The following FGD3 variants were observed in gnomAD, a reference collection of about 807,000 sequenced individuals.
FGD3 encodes FYVE, RhoGEF and PH domain-containing protein 3.
In FGD3, 45 loss-of-function variants were observed where a neutral mutation model predicts 71.8. That is an observed-to-expected ratio of 0.63 (90% CI 0.49 to 0.80). The LOEUF (loss-of-function observed/expected upper bound fraction) is 0.80. FGD3 is among the 30% of genes least tolerant of loss of function. The pLI is 0.00. For synonymous variants in FGD3, 378 were observed against 392.8 expected (o/e 0.96, Z 0.44); for missense variants, 844 against 951.5 (o/e 0.89, Z 1.49).
At chr9:93,019,898 A>G in intron 12 of FGD3, 37 bp downstream of exon 12, 1 of 1,611,140 alleles carries the variant, frequency 6.2e-7, no homozygotes, top group Non-Finnish European at 8.5e-7. Context: ...CCAAATGACC[A>G]AGTGATTGAG....
At chr9:93,035,183 G>C (rs1441451311) in intron 17 of FGD3, among the ~76,000 whole-genome samples, 155 bp from the exon 18 acceptor site, 2 of 152,120 alleles carry the variant, frequency 1.3e-5, no homozygotes, top group Non-Finnish European at 2.9e-5. Flanking sequence ...GTTGACAAAA[G>C]GCAGTGCAGG....
chr9:92,972,635 GTGTAGATTTATAGTTTCCA>G (rs1281894620), intron 1 of FGD3, among the ~76,000 whole-genome samples: 1 of 152,184 alleles, frequency 6.6e-6, no homozygotes, highest in East Asian at 1.9e-4. Context: ...CTTCTTAGAT[GTGTAGATTTATAGTTTCCA>G]TCAAATCTAG....
Position 92,988,250 on chromosome 9 carries a change from C to G in FGD3, c.453+11541C>G, listed in dbSNP as rs1293566169. 2.6e-5 allele frequency among the ~76,000 whole-genome samples: 4 copies of G among 152,180 alleles called. No individual in the cohort carries two copies. The East Asian group carries it at 5.8e-4, about 22-fold the overall frequency. ...CCAGGCTTCTCCCCTGCATAAGGCT[C>G]CACCCTGCATAAGGCTCCAAGCTAC... On this transcript the variant is annotated intron_variant, in intron 3 of 17. Coordinates refer to ENST00000375482, the MANE Select transcript of FGD3 (RefSeq NM_001083536.2).
At position 93,022,383 on chromosome 9, in the gene FGD3, A is replaced by G; in HGVS notation, c.1551A>G (p.Ala517=). ...PVVTTEGSSG[A]AGLEPRKLSS... ...TGACCACCGAAGGCAGTTCGGGTGC[A>G]GCAGGGGTAAGTGCCCCATGCTCAG... Residue 517 remains alanine (A), a synonymous_variant, in exon 14 of 18, where the codon GCA becomes GCG. Coordinates refer to ENST00000375482, the MANE Select transcript of FGD3 (RefSeq NM_001083536.2). 1 of 1,612,568 alleles carries G rather than the reference A, an allele frequency of 6.2e-7. No homozygotes were observed. Among genetic ancestry groups the G allele is most frequent in the South Asian group, 1.1e-5 (1 of 91,066 alleles).
chr9:93,002,832 C>A, intron 3 of FGD3, 93 bp from the exon 4 acceptor site: 1 of 1,277,702 alleles, frequency 7.8e-7, no homozygotes, highest in Non-Finnish European at 1.1e-6. Flanking sequence ...ACCCCTGTGG[C>A]CCCTGGTTCT....
chr9:93,026,742 C>T (rs1862129025), intron 14 of FGD3, among the ~76,000 whole-genome samples: 1 of 152,236 alleles, frequency 6.6e-6, no homozygotes, highest in African/African-American at 2.4e-5. Flanking sequence ...CCCGCAGGTA[C>T]CTGTCCTCCC....
At chr9:92,997,281 G>T (rs933758701) in intron 3 of FGD3, among the ~76,000 whole-genome samples, 1 of 152,142 alleles carries the variant, frequency 6.6e-6, no homozygotes, top group African/African-American at 2.4e-5. Context: ...TGTTTTATCA[G>T]AGACTAGGAT....
At chr9:92,951,666 C>A (rs1858956918) in intron 1 of FGD3, among the ~76,000 whole-genome samples, 1 of 152,106 alleles carries the variant, frequency 6.6e-6, no homozygotes. Flanking sequence ...CAGAGCGAGA[C>A]CCTGTCTCAA....
At chr9:92,988,993 C>A (rs1860295853) in intron 3 of FGD3, among the ~76,000 whole-genome samples, 1 of 152,200 alleles carries the variant, frequency 6.6e-6, no homozygotes. Context: ...TCTCTGCAAG[C>A]ACAGCCCTTT....
At chr9:92,948,920 G>A (rs1166128691) in intron 1 of FGD3, among the ~76,000 whole-genome samples, 5 of 152,198 alleles carry the variant, frequency 3.3e-5, no homozygotes, top group African/African-American at 1.2e-4. Context: ...CTGGGATTGG[G>A]CTGTGTCCCA....
chr9:92,954,493 G>C (rs1236857594), intron 1 of FGD3, among the ~76,000 whole-genome samples: 1 of 152,196 alleles, frequency 6.6e-6, no homozygotes, highest in East Asian at 1.9e-4. Flanking sequence ...CTGTGCCCGT[G>C]TGGCCCAAGT....
At position 93,004,035 on chromosome 9, in the gene FGD3, C is replaced by T. The variant is rs762923444; in HGVS notation, c.578C>T (p.Pro193Leu). Residue 193 changes from proline (P) to leucine (L), a missense_variant, in exon 5 of 18, where the codon CCT (proline) becomes CTT (leucine). By Grantham distance (98) the Pro-to-Leu change is moderately conservative (BLOSUM62 -3). Coordinates refer to ENST00000375482, the MANE Select transcript of FGD3 (RefSeq NM_001083536.2). ...FCTRLTDAGIPPEVIMGIFSN... is the reference protein window; with the variant it reads ...FCTRLTDAGILPEVIMGIFSN... Reference sequence around the variant, plus strand: ...ACCAGGCTGACGGATGCGGGGATCCCTCCAGAAGTCATCATGGGCATATTC... The same window carrying T: ...ACCAGGCTGACGGATGCGGGGATCCTTCCAGAAGTCATCATGGGCATATTC... The T allele has an allele frequency of 1.9e-6, 3 of 1,614,080 alleles. No individual in the cohort carries two copies. The South Asian group carries it at 3.3e-5, about 18-fold the overall frequency.
chr9:92,981,425 G>A (rs908686062), intron 3 of FGD3, among the ~76,000 whole-genome samples: 5 of 151,220 alleles, frequency 3.3e-5, no homozygotes, highest in African/African-American at 1.2e-4. Context: ...TTCAGTCTTT[G>A]TGTGTTTGTT....
At position 93,023,209 on chromosome 9, in the gene FGD3, A is replaced by G. The variant is rs905881259; in HGVS notation, c.1557+820A>G. ...AGGCCCAGGAATGACATGGCCCCAG[A>G]TGGCTGCCCTAGCCCCATCCAAGAC... On this transcript the variant is annotated intron_variant, in intron 14 of 17. Coordinates refer to ENST00000375482, the MANE Select transcript of FGD3 (RefSeq NM_001083536.2). Among the ~76,000 whole-genome samples the G allele has an allele frequency of 6.6e-5, 10 of 152,262 alleles. No homozygotes were observed. In the East Asian group the frequency reaches 1.5e-3, roughly 24 times the overall value.
At chr9:93,011,490 G>A (rs1479425349) in intron 8 of FGD3, among the ~76,000 whole-genome samples, 1 of 152,314 alleles carries the variant, frequency 6.6e-6, no homozygotes, top group South Asian at 2.1e-4. Flanking sequence ...AGCACTCTAT[G>A]CCTTAGTTTC....
intron 5 of FGD3, among the ~76,000 whole-genome samples, chr9:93,005,265 G>GGCGCCCGCCACC (rs1335259946): frequency 6.6e-6 from 1 of 152,114 alleles, no homozygotes; most frequent in East Asian, 1.9e-4. Flanking sequence ...TGGGACTGCA[G>GGCGCCCGCCACC]GCGCCCGCCA....
At chr9:93,000,218 A>G (rs1860811485) in intron 3 of FGD3, among the ~76,000 whole-genome samples, 1 of 152,128 alleles carries the variant, frequency 6.6e-6, no homozygotes, top group African/African-American at 2.4e-5. Flanking sequence ...ACTCTTTTAC[A>G]ATTCCACCTC....
intron 3 of FGD3, among the ~76,000 whole-genome samples, chr9:92,994,861 GT>G (rs1481030254): frequency 6.6e-6 from 1 of 152,176 alleles, no homozygotes; most frequent in African/African-American, 2.4e-5. Flanking sequence ...GTACCATGCT[GT>G]TTTGGTTACT....
At chr9:92,965,949 T>C (rs556690847) in intron 1 of FGD3, among the ~76,000 whole-genome samples, 1 of 152,140 alleles carries the variant, frequency 6.6e-6, no homozygotes, top group African/African-American at 2.4e-5. Flanking sequence ...ACAAGGAGGC[T>C]CGGAGGCAAG....
Sources: gnomAD v4.1 joint callset for allele counts (sites outside exome capture counted in the v4.1 genomes callset) on GRCh38, gnomAD v4.1.1 for gene constraint, MANE v1.5 for transcripts, NCBI Gene and HGNC (gene_info 2026-07-23, HGNC 2026-07-21) for gene names.